Variants in PKIA observed in about 807,000 individuals in gnomAD.
PKIA encodes cAMP-dependent protein kinase inhibitor alpha.
Under a neutral mutation model 7.6 loss-of-function variants are expected in PKIA, and 4 were observed. The observed-to-expected ratio is 0.52, with a 90% CI of 0.26 to 1.20. The LOEUF is 1.20. PKIA is among the 50% of genes most tolerant of loss of function. The pLI is 0.13. For synonymous variants in PKIA, 21 were observed against 30.7 expected, an observed-to-expected ratio of 0.68 and a Z score of 1.04; for missense variants, 73 against 86.2, an observed-to-expected ratio of 0.85 and a Z score of 0.61.
intron 2 of PKIA, among the ~76,000 whole-genome samples, chr8:78,593,316 T>G (rs924061133): frequency 2.0e-5 from 3 of 152,122 alleles, no homozygotes; most frequent in African/African-American, 7.2e-5. Context: ...AGAGACAAGG[T>G]TTCACCATGT....
At chr8:78,583,010 C>T (rs1376656640) in intron 2 of PKIA, among the ~76,000 whole-genome samples, 1 of 152,132 alleles carries the variant, frequency 6.6e-6, no homozygotes. Context: ...TCTCAGAAAC[C>T]TGGGCACTTA....
At chr8:78,559,737 G>C (rs79798729) in intron 1 of PKIA, among the ~76,000 whole-genome samples, 8,994 of 152,170 alleles carry the variant, frequency 0.059, 356 homozygotes, top group Non-Finnish European at 0.082. Flanking sequence ...CTTTTTATCT[G>C]TAGTTATTAT....
intron 1 of PKIA, among the ~76,000 whole-genome samples, chr8:78,563,486 T>A (rs537461077): frequency 6.6e-6 from 1 of 152,088 alleles, no homozygotes; most frequent in Non-Finnish European, 1.5e-5. Context: ...GGTGGTAAAA[T>A]ATACCAAGGT....
chr8:78,603,904 CT>C lies in PKIA; in HGVS notation c.*2086del, dbSNP rs1021980604. On this transcript the variant is annotated 3_prime_UTR_variant, in exon 4 of 4. Coordinates refer to ENST00000396418, the MANE Select transcript of PKIA (RefSeq NM_006823.4). ...TTAATGCATGTGGTGCCATGCTTGT[CT>C]TTAAATATATAAATAGTGCTAAATT... 4 of 152,034 alleles carry C rather than the reference CT, an allele frequency of 2.6e-5. No individual in the cohort carries two copies. Among genetic ancestry groups the C allele is most frequent in the African/African-American group, 9.6e-5 (4 of 41,522 alleles). The allele number at this position is 152,034 out of a possible 1,614,324, so 9.4% of individuals were successfully genotyped here. A position where few individuals can be genotyped will look rare whatever the true frequency, so the allele number is the denominator to read the frequency against.
intron 1 of PKIA, among the ~76,000 whole-genome samples, chr8:78,543,561 T>C (rs1200583686): frequency 6.6e-6 from 1 of 152,196 alleles, no homozygotes; most frequent in African/African-American, 2.4e-5. Flanking sequence ...GTTTCAACTA[T>C]ATCATATGTA....
At chr8:78,524,059 C>CGTTTATATAT (rs1563565664) in intron 1 of PKIA, among the ~76,000 whole-genome samples, 1 of 111,386 alleles carries the variant, frequency 9.0e-6, no homozygotes, top group African/African-American at 4.3e-5. Flanking sequence ...TATATATAAA[C>CGTTTATATAT]ATTTATATTT....
intron 1 of PKIA, among the ~76,000 whole-genome samples, chr8:78,562,837 T>C (rs1347989666): frequency 6.6e-6 from 1 of 151,634 alleles, no homozygotes; most frequent in Non-Finnish European, 1.5e-5. Context: ...CCACCAAATC[T>C]TCCAAGGCTT....
intron 1 of PKIA, among the ~76,000 whole-genome samples, chr8:78,557,408 AAAG>A (rs1471337908): frequency 6.6e-6 from 1 of 152,226 alleles, no homozygotes; most frequent in Non-Finnish European, 1.5e-5. Flanking sequence ...AGGTTACCAA[AAAG>A]AATAATGACA....
At chr8:78,520,032 A>C (rs963333335) in intron 1 of PKIA, among the ~76,000 whole-genome samples, 12 of 152,202 alleles carry the variant, frequency 7.9e-5, no homozygotes, top group African/African-American at 2.7e-4. Context: ...TTCTAAAAAA[A>C]ACTCTTGAAA....
intron 1 of PKIA, among the ~76,000 whole-genome samples, chr8:78,527,170 C>A (rs1806259824): frequency 6.6e-6 from 1 of 151,986 alleles, no homozygotes; most frequent in Non-Finnish European, 1.5e-5. Flanking sequence ...GTAAGTTTGT[C>A]TTAAATTTCC....
intron 1 of PKIA, among the ~76,000 whole-genome samples, chr8:78,571,403 A>G (rs898494026): frequency 2.6e-5 from 4 of 152,136 alleles, no homozygotes; most frequent in African/African-American, 9.7e-5. Flanking sequence ...TCAGCATTTC[A>G]GTGCATACTG....
chr8:78,588,932 G>T (rs1179299243), intron 2 of PKIA, among the ~76,000 whole-genome samples: 3 of 151,538 alleles, frequency 2.0e-5, no homozygotes, highest in Non-Finnish European at 4.4e-5. Flanking sequence ...AGAAAAGAAA[G>T]ATTTAAAAAA....
chr8:78,544,122 C>A (rs1375723146), intron 1 of PKIA, among the ~76,000 whole-genome samples: 4 of 152,156 alleles, frequency 2.6e-5, no homozygotes, highest in Non-Finnish European at 4.4e-5. Context: ...TTAAATGACA[C>A]TTAAGGATTG....
chr8:78,561,775 A>G (rs62517720), intron 1 of PKIA, among the ~76,000 whole-genome samples: 7,374 of 152,306 alleles, frequency 0.048, 240 homozygotes, highest in Non-Finnish European at 0.07. Flanking sequence ...GGAAAAGAGG[A>G]TAATAAATAC....
chr8:78,588,804 A>T (rs535533375), intron 2 of PKIA, among the ~76,000 whole-genome samples: 11 of 152,082 alleles, frequency 7.2e-5, no homozygotes, highest in African/African-American at 2.4e-4. Context: ...CCTATATGGG[A>T]GTAAATGAAA....
chr8:78,525,895 T>A (rs183573600), intron 1 of PKIA, among the ~76,000 whole-genome samples: 45 of 152,098 alleles, frequency 3.0e-4, no homozygotes, highest in Non-Finnish European at 2.1e-4. Flanking sequence ...CCTTTACCAT[T>A]TACTAGCTGT....
At chr8:78,571,149 T>C (rs1807537567) in intron 1 of PKIA, among the ~76,000 whole-genome samples, 1 of 150,710 alleles carries the variant, frequency 6.6e-6, no homozygotes. Context: ...ATTTTTCCTT[T>C]TTTTTTTTTT....
intron 1 of PKIA, among the ~76,000 whole-genome samples, chr8:78,561,042 A>G (rs1258316608): frequency 6.6e-6 from 1 of 152,136 alleles, no homozygotes; most frequent in African/African-American, 2.4e-5. Context: ...AATAAACAAC[A>G]TGAGACGTGG....
chr8:78,523,290 G>A (rs112782646), intron 1 of PKIA, among the ~76,000 whole-genome samples: 16 of 151,828 alleles, frequency 1.1e-4, no homozygotes, highest in Non-Finnish European at 1.3e-4. Flanking sequence ...TGATTGGGGT[G>A]GGGGGAATTA....
Sources: gnomAD v4.1 joint callset for allele counts (sites outside exome capture counted in the v4.1 genomes callset) on GRCh38, gnomAD v4.1.1 for gene constraint, MANE v1.5 for transcripts, NCBI Gene and HGNC (gene_info 2026-07-23, HGNC 2026-07-21) for gene names.